GPR158: variants seen among roughly 807,000 people sequenced by gnomAD.
GPR158 encodes G protein-coupled receptor 158.
GPR158 carries 30 observed loss-of-function variants against 78.2 expected under a neutral mutation model. The observed-to-expected ratio is 0.38, with a 90% confidence interval of 0.29 to 0.52. GPR158 has a LOEUF of 0.52. Ranked by LOEUF, GPR158 falls within the 20% of genes least tolerant of loss-of-function variation. The pLI, the probability that GPR158 is intolerant of heterozygous loss-of-function variation, is 0.83. For synonymous variants in GPR158, 581 were observed against 591.1 expected (o/e 0.98, Z 0.25); for missense variants, 1,463 against 1,523.5 (o/e 0.96, Z 0.66).
At chr10:25,486,779 C>A (rs948090838) in intron 5 of GPR158, among the ~76,000 whole-genome samples, 1 of 151,114 alleles carries the variant, frequency 6.6e-6, no homozygotes, top group Non-Finnish European at 1.5e-5. Context: ...TGCTCTCTAC[C>A]TGTTTGCTTT....
At chr10:25,422,594 A>G (rs1834765461) in intron 4 of GPR158, among the ~76,000 whole-genome samples, 1 of 148,626 alleles carries the variant, frequency 6.7e-6, no homozygotes, top group Non-Finnish European at 1.5e-5. Context: ...ACTTTCTCTT[A>G]CTATCATCTA....
intron 5 of GPR158, among the ~76,000 whole-genome samples, chr10:25,469,677 G>C (rs1835469092): frequency 6.6e-6 from 1 of 151,090 alleles, no homozygotes; most frequent in South Asian, 2.1e-4. Context: ...CCAGCTACTT[G>C]GGAGGCTGAG....
chr10:25,315,886 T>C (rs1244123751), intron 2 of GPR158, among the ~76,000 whole-genome samples: 1 of 152,116 alleles, frequency 6.6e-6, no homozygotes, highest in African/African-American at 2.4e-5. Flanking sequence ...ATTGTTTCCT[T>C]TGATGTATTG....
Position 25,176,825 on chromosome 10 carries a change from C to T in GPR158, c.902+503C>T, listed in dbSNP as rs913664820. On this transcript the variant is annotated intron_variant, in intron 1 of 10. Coordinates refer to ENST00000376351, the MANE Select transcript of GPR158 (RefSeq NM_020752.3). The surrounding 1 kb of genome is among the most constrained non-coding windows in gnomAD (Gnocchi z 6.3). ...TTCCTACGTGTGCAGTTGGGGGCAC[C>T]GGTCTGTTGTTAGTCAGAGCTTATA... Among the ~76,000 whole-genome samples, 4 of 152,310 alleles carry T rather than the reference C, an allele frequency of 2.6e-5. No individual in the cohort carries two copies. The highest frequency in any genetic ancestry group is 1.9e-4 in the East Asian group (1 of 5,182).
intron 2 of GPR158, among the ~76,000 whole-genome samples, chr10:25,311,132 CTAGTT>C (rs1854757960): frequency 6.6e-6 from 1 of 151,930 alleles, no homozygotes; most frequent in Admixed American, 6.5e-5. Context: ...TAATTCCCTA[CTAGTT>C]TCTTTTCTTT....
At chr10:25,534,097 C>T (rs1041944928) in intron 5 of GPR158, among the ~76,000 whole-genome samples, 4 of 152,182 alleles carry the variant, frequency 2.6e-5, no homozygotes, top group African/African-American at 4.8e-5. Flanking sequence ...CTCTCCTGGG[C>T]CAGCTTTCAG....
At chr10:25,555,167 C>G (rs1443011339) in intron 6 of GPR158, among the ~76,000 whole-genome samples, 1 of 152,060 alleles carries the variant, frequency 6.6e-6, no homozygotes, top group African/African-American at 2.4e-5. Flanking sequence ...ATGCCTCCAG[C>G]TTTGTTCTTT....
chr10:25,574,935 C>T (rs1837068491), intron 7 of GPR158, among the ~76,000 whole-genome samples: 1 of 151,798 alleles, frequency 6.6e-6, no homozygotes, highest in Non-Finnish European at 1.5e-5. Context: ...GGGGCAGTGG[C>T]TCACACCTGT....
intron 7 of GPR158, among the ~76,000 whole-genome samples, chr10:25,583,699 A>G (rs1270385433): frequency 6.6e-6 from 1 of 152,086 alleles, no homozygotes; most frequent in Non-Finnish European, 1.5e-5. Flanking sequence ...AGTGGATAGG[A>G]TATAGAGAAA....
intron 4 of GPR158, among the ~76,000 whole-genome samples, chr10:25,455,804 A>T (rs1835283683): frequency 6.6e-6 from 1 of 152,322 alleles, no homozygotes; most frequent in South Asian, 2.1e-4. Context: ...TAGTGAAGCA[A>T]ATGACTAAAA....
chr10:25,209,439 A>T (rs903550071), intron 1 of GPR158, among the ~76,000 whole-genome samples: 2 of 146,486 alleles, frequency 1.4e-5, no homozygotes, highest in African/African-American at 5.2e-5. Flanking sequence ...GAATGAGTAA[A>T]TTGTATCTTT....
chr10:25,314,956 ATT>A (rs1028989069), intron 2 of GPR158, among the ~76,000 whole-genome samples: 2 of 149,330 alleles, frequency 1.3e-5, no homozygotes, highest in African/African-American at 4.9e-5. Flanking sequence ...CATTTTGTAT[ATT>A]TTATTAATTT....
intron 1 of GPR158, among the ~76,000 whole-genome samples, chr10:25,204,688 C>G (rs1460408860): frequency 2.0e-5 from 3 of 151,932 alleles, no homozygotes; most frequent in Non-Finnish European, 4.4e-5. Context: ...CATCGATGTT[C>G]TTCAGGGATA....
intron 4 of GPR158, among the ~76,000 whole-genome samples, chr10:25,433,531 G>GGGGT (rs545312367): frequency 0.099 from 13,731 of 139,228 alleles, 877 homozygotes; most frequent in Non-Finnish European, 0.15. Flanking sequence ...TTTAGTTAGG[G>GGGGT]GTGTGTGTGT....
At chr10:25,561,008 A>T (rs1432035140) in intron 6 of GPR158, among the ~76,000 whole-genome samples, 1 of 152,148 alleles carries the variant, frequency 6.6e-6, no homozygotes, top group Non-Finnish European at 1.5e-5. Flanking sequence ...CTAAATCTTG[A>T]ATTAAGAGTA....
intron 2 of GPR158, among the ~76,000 whole-genome samples, chr10:25,268,268 A>G (rs1263726313): frequency 3.3e-5 from 5 of 152,156 alleles, no homozygotes; most frequent in Admixed American, 3.3e-4. Context: ...TTACTTGAAT[A>G]TGACTCCCTT....
chr10:25,215,822 C>G (rs1254823465), intron 1 of GPR158, among the ~76,000 whole-genome samples: 5 of 152,178 alleles, frequency 3.3e-5, no homozygotes, highest in Non-Finnish European at 7.3e-5. Context: ...GTGAGAGAGA[C>G]TCTGTCTCAA....
At chr10:25,560,139 G>T (rs1181047981) in intron 6 of GPR158, among the ~76,000 whole-genome samples, 1 of 152,182 alleles carries the variant, frequency 6.6e-6, no homozygotes, top group Admixed American at 6.5e-5. Context: ...CAACTGTTAC[G>T]TACTCACACA....
intron 2 of GPR158, among the ~76,000 whole-genome samples, chr10:25,282,320 T>A (rs2130755005): frequency 6.6e-6 from 1 of 152,322 alleles, no homozygotes; most frequent in South Asian, 2.1e-4. Context: ...TGTTTCTTGT[T>A]ATTGCTAAGT....
Sources: gnomAD v4.1 joint callset for allele counts (sites outside exome capture counted in the v4.1 genomes callset) on GRCh38, gnomAD v4.1.1 for gene constraint, Gnocchi (gnomAD v3.1) non-coding constraint, MANE v1.5 for transcripts, NCBI Gene and HGNC (gene_info 2026-07-23, HGNC 2026-07-21) for gene names.